The following TTC17 variants were observed in gnomAD, a reference collection of about 807,000 sequenced individuals.
TTC17 encodes tetratricopeptide repeat domain 17.
Under a neutral mutation model 143.8 loss-of-function variants are expected in TTC17, and 58 were observed. The ratio of observed to expected loss-of-function variants is 0.40; its 90% CI spans 0.33 to 0.50. TTC17 has a LOEUF of 0.50. TTC17 is among the 20% of genes least tolerant of loss of function. TTC17 has a pLI of 0.49. For missense variants in TTC17, 1,273 were observed against 1,392.5 expected (o/e 0.91, Z 1.37); for synonymous variants, 501 against 497.8 (o/e 1.01, Z -0.09).
intron 1 of TTC17, among the ~76,000 whole-genome samples, chr11:43,366,021 G>A (rs940683570): frequency 7.5e-5 from 11 of 146,664 alleles, no homozygotes; most frequent in African/African-American, 2.0e-4. Flanking sequence ...TTGCTCTGTC[G>A]CCAGGCTGTA....
chr11:43,487,745 T>C (rs555269135), intron 21 of TTC17, among the ~76,000 whole-genome samples: 2 of 152,166 alleles, frequency 1.3e-5, no homozygotes, highest in Non-Finnish European at 2.9e-5. Flanking sequence ...ACAGCAGAAA[T>C]TTATTTTATC....
At chr11:43,486,719 AC>A (rs1948388299) in intron 21 of TTC17, among the ~76,000 whole-genome samples, 2 of 152,168 alleles carry the variant, frequency 1.3e-5, no homozygotes, top group Admixed American at 6.5e-5. Context: ...ATAGTTATAT[AC>A]CTAATATTTA....
At chr11:43,474,996 G>A (rs1948158779) in intron 21 of TTC17, among the ~76,000 whole-genome samples, 1 of 152,086 alleles carries the variant, frequency 6.6e-6, no homozygotes, top group African/African-American at 2.4e-5. Flanking sequence ...TGTTTCAGGG[G>A]TATTAGAGGC....
Position 43,478,355 on chromosome 11 carries a change from A to G in TTC17, c.3031-11884A>G, listed in dbSNP as rs933633026. The stretch of plus-strand genomic sequence containing the variant: ...CACTTGGGGTACATAGGAACAACCA[A>G]CTGAATACTTGATGATATTAAAGAA... On this transcript the variant is annotated intron_variant, in intron 21 of 23. Transcript: ENST00000039989. Among the ~76,000 whole-genome samples, 9 of 152,158 alleles carry G rather than the reference A, an allele frequency of 5.9e-5. 1 individual carries two copies. The South Asian group carries it at 6.2e-4, about 11-fold the overall frequency.
intron 16 of TTC17, among the ~76,000 whole-genome samples, chr11:43,424,119 G>A (rs1231352669): frequency 7.6e-5 from 11 of 144,596 alleles, no homozygotes; most frequent in East Asian, 4.0e-4. Flanking sequence ...GCGGAGTCTC[G>A]CTCGCTCTTG....
intron 21 of TTC17, among the ~76,000 whole-genome samples, chr11:43,454,535 T>C (rs1036096700): frequency 6.6e-6 from 1 of 152,116 alleles, no homozygotes; most frequent in African/African-American, 2.4e-5. Flanking sequence ...AGAACAATAT[T>C]TTCAAATTGT....
rs1447159882 is a variant in TTC17, at chr11:43,382,106, T to C, written c.249+2784T>C. ...AGTTTATCTACCAAGTAGTGACAAC[T>C]ATATGAACATCTTAGATAACAGAAG... On this transcript the variant is annotated intron_variant, in intron 2 of 23. Transcript: ENST00000039989. 6.6e-5 allele frequency among the ~76,000 whole-genome samples: 10 copies of C among 152,164 alleles called. No homozygotes were observed. The East Asian group carries it at 1.9e-3, about 29-fold the overall frequency.
intron 22 of TTC17, chr11:43,491,800 C>T (rs80290742): frequency 0.029 from 16,599 of 580,484 alleles, 478 homozygotes; most frequent in East Asian, 0.12. Flanking sequence ...TGTTTGTTTT[C>T]GAAGCAAGAC....
intron 18 of TTC17, among the ~76,000 whole-genome samples, chr11:43,445,689 A>G (rs1947524939): frequency 6.6e-6 from 1 of 152,242 alleles, no homozygotes; most frequent in Non-Finnish European, 1.5e-5. Flanking sequence ...ATTAAAGTGA[A>G]AAGCTCTAAA....
intron 1 of TTC17, among the ~76,000 whole-genome samples, chr11:43,372,294 C>T (rs1856596937): frequency 6.6e-6 from 1 of 150,586 alleles, no homozygotes; most frequent in South Asian, 2.1e-4. Flanking sequence ...TGATAGCTGT[C>T]TAAAAAGGTT....
At chr11:43,429,009 C>G (rs560621131) in intron 16 of TTC17, among the ~76,000 whole-genome samples, 2 of 152,108 alleles carry the variant, frequency 1.3e-5, no homozygotes, top group Non-Finnish European at 2.9e-5. Flanking sequence ...TGAATGAGAA[C>G]AAGTCTAAGG....
At chr11:43,383,088 C>A (rs915902787) in intron 2 of TTC17, among the ~76,000 whole-genome samples, 1 of 151,638 alleles carries the variant, frequency 6.6e-6, no homozygotes, top group East Asian at 1.9e-4. Flanking sequence ...GTAGAGACAG[C>A]GTCTCACTTT....
chr11:43,413,460 G>T (rs1565153594), intron 15 of TTC17, among the ~76,000 whole-genome samples: 1 of 151,686 alleles, frequency 6.6e-6, no homozygotes. Context: ...AATTATAAAA[G>T]AAAAAAATGA....
chr11:43,476,153 G>C (rs906376084), intron 21 of TTC17, among the ~76,000 whole-genome samples: 7 of 152,186 alleles, frequency 4.6e-5, no homozygotes, highest in Admixed American at 4.6e-4. Flanking sequence ...TCACAATCTA[G>C]GTGAACCAGT....
At chr11:43,478,895 T>A in intron 21 of TTC17, among the ~76,000 whole-genome samples, 1 of 152,190 alleles carries the variant, frequency 6.6e-6, no homozygotes, top group South Asian at 2.1e-4. Context: ...CCCAAATTAC[T>A]GAGATAACAA....
intron 9 of TTC17, among the ~76,000 whole-genome samples, chr11:43,400,264 A>G (rs1857793076): frequency 6.6e-6 from 1 of 152,184 alleles, no homozygotes; most frequent in South Asian, 2.1e-4. Flanking sequence ...TTTGAAATAA[A>G]AAACAAGTCT....
chr11:43,477,742 C>T (rs1251918299), intron 21 of TTC17, among the ~76,000 whole-genome samples: 2 of 152,092 alleles, frequency 1.3e-5, no homozygotes, highest in Non-Finnish European at 2.9e-5. Flanking sequence ...CAAACCATAT[C>T]ACATGGGAAT....
intron 16 of TTC17, among the ~76,000 whole-genome samples, chr11:43,441,241 G>A (rs1032985889): frequency 6.7e-5 from 10 of 149,794 alleles, no homozygotes; most frequent in Non-Finnish European, 8.9e-5. Context: ...ACTGCATTGC[G>A]CTCCAGCCTG....
intron 21 of TTC17, among the ~76,000 whole-genome samples, chr11:43,479,007 G>A (rs577097832): frequency 2.0e-5 from 3 of 152,298 alleles, no homozygotes; most frequent in Admixed American, 2.0e-4. Flanking sequence ...TTGGGAGGCT[G>A]AAGCAGGTGG....
Sources: allele counts gnomAD v4.1 joint callset (sites outside exome capture counted in the v4.1 genomes callset), GRCh38; gene constraint gnomAD v4.1.1; transcripts MANE v1.5; gene names NCBI Gene and HGNC (gene_info 2026-07-23, HGNC 2026-07-21).